PSD4: variants seen among roughly 807,000 people sequenced by gnomAD.
PSD4 encodes pleckstrin and Sec7 domain containing 4.
In PSD4, 59 loss-of-function variants were observed where a neutral mutation model predicts 112.5. That is an observed-to-expected ratio of 0.52 (90% CI 0.43 to 0.65). The LOEUF is 0.65. PSD4 is among the 30% of genes least tolerant of loss of function. PSD4 has a pLI of 0.00. For missense variants in PSD4, 1,267 were observed against 1,352.6 expected (o/e 0.94, Z 0.99); for synonymous variants, 533 against 540.0 (o/e 0.99, Z 0.18).
rs1688901357 is a variant in PSD4 at position 113,208,828 on chromosome 2, G to C, written c.*7413G>C. On this transcript the variant is annotated 3_prime_UTR_variant, in exon 17 of 17. Transcript: ENST00000245796. ...CTCTGAGCCTCTAGTCATGGTCATGGGCTAATCTGTATATGAAAACCCACT... is the reference window on the plus strand; with the variant it reads ...CTCTGAGCCTCTAGTCATGGTCATGCGCTAATCTGTATATGAAAACCCACT... 1 of 152,166 alleles carries C rather than the reference G, an allele frequency of 6.6e-6. No individual in the cohort carries two copies. 9.4% of individuals were successfully genotyped at this position (152,166 alleles called of 1,614,324 possible). A position where few individuals can be genotyped will look rare whatever the true frequency, so the allele number is the denominator to read the frequency against.
chr2:113,192,737 A>G lies in PSD4; in HGVS notation c.1838+148A>G, dbSNP rs1419360014. On this transcript the variant is annotated intron_variant, in intron 6 of 16. Transcript: ENST00000245796. ...CTCCTAACTTTTCCCCCATACCCTC[A>G]CTGTATCTGCTGCTTACTCTCAGTC... The G allele has an allele frequency of 8.5e-6, 7 of 828,066 alleles. No individual in the cohort carries two copies. In the East Asian group the frequency reaches 1.9e-4, roughly 22 times the overall value. 51.3% of individuals were successfully genotyped at this position (828,066 alleles called of 1,614,324 possible).
At position 113,207,491 on chromosome 2, in the gene PSD4, C is replaced by A. The variant is rs1011159513; in HGVS notation, c.*6076C>A. ...TTTTTTTTTGAGATGGAGTCTTGCTCGGTCGCCCAGGCTGGAGTGCGGTGG... is the reference window on the plus strand; with the variant it reads ...TTTTTTTTTGAGATGGAGTCTTGCTAGGTCGCCCAGGCTGGAGTGCGGTGG... On this transcript the variant is annotated 3_prime_UTR_variant, in exon 17 of 17. Coordinates refer to ENST00000245796, the MANE Select transcript of PSD4 (RefSeq NM_012455.3). 1 of 114,260 alleles carries A rather than the reference C, an allele frequency of 8.8e-6. No homozygotes were observed. The highest frequency in any genetic ancestry group is 1.6e-5 in the Non-Finnish European group (1 of 61,074). 7.1% of individuals were successfully genotyped at this position (114,260 alleles called of 1,614,324 possible).
Position 113,185,956 on chromosome 2 carries a change from T to A in PSD4, c.1329T>A (p.Ser443=). 1.9e-6 allele frequency: 3 copies of A among 1,614,030 alleles called. No individual in the cohort carries two copies. The highest frequency in any genetic ancestry group is 2.5e-6 in the Non-Finnish European group (3 of 1,179,924). ...APCPWRSPAS[S]PEPSSPESES... ...GCCCCTGGAGGAGCCCAGCTTCTTC[T>A]CCAGAGCCTAGCAGCCCAGAATCTG... The change falls in exon 5 of 17, where the codon TCT becomes TCA. Residue 443 remains serine (S), a synonymous_variant. Coordinates refer to ENST00000245796, the MANE Select transcript of PSD4 (RefSeq NM_012455.3).
chr2:113,207,461 T>TTTC lies in PSD4; in HGVS notation c.*6048_*6049insCTT, dbSNP rs1177913446. ...CCTCTCCTCTCTCCTCTTCTTTTTTTTTTTTTTTTTTTTGAGATGGAGTCT... is the reference window on the plus strand; with the variant it reads ...CCTCTCCTCTCTCCTCTTCTTTTTTTTTCTTTTTTTTTTTTTGAGATGGAGTCT... On this transcript the variant is annotated 3_prime_UTR_variant, in exon 17 of 17. Coordinates refer to ENST00000245796, the MANE Select transcript of PSD4 (RefSeq NM_012455.3). 1.4e-5 allele frequency: 2 copies of TTTC among 139,782 alleles called. No homozygotes were observed. Among genetic ancestry groups the TTTC allele is most frequent in the Non-Finnish European group, 3.1e-5 (2 of 64,552 alleles). 8.7% of individuals were successfully genotyped at this position (139,782 alleles called of 1,614,324 possible). A position where few individuals can be genotyped will look rare whatever the true frequency, so the allele number is the denominator to read the frequency against.
At chr2:113,180,350 G>T (rs1211583967) in intron 1 of PSD4, among the ~76,000 whole-genome samples, 3 of 152,230 alleles carry the variant, frequency 2.0e-5, no homozygotes, top group Admixed American at 2.0e-4. Context: ...TGCAGTCCAT[G>T]TGGCTATTGA....
At chr2:113,199,980 C>A (rs757394960) in intron 16 of PSD4, among the ~76,000 whole-genome samples, 40 of 152,130 alleles carry the variant, frequency 2.6e-4, no homozygotes, top group Non-Finnish European at 5.1e-4. Context: ...TGTGAGCCAC[C>A]ACACCTGGAT....
chr2:113,197,507 G>A (rs778408960), intron 12 of PSD4, 57 bp from the exon 13 acceptor site: 1 of 1,595,928 alleles, frequency 6.3e-7, no homozygotes, highest in Non-Finnish European at 8.6e-7. Context: ...GTGTGTCTGA[G>A]TGTGTCTGGA....
Position 113,183,153 on chromosome 2 carries a change from T to G in PSD4, c.697T>G (p.Ser233Ala), listed in dbSNP as rs12472091. The G allele has an allele frequency of 1.9e-6, 3 of 1,613,984 alleles. No homozygotes were observed. Among genetic ancestry groups the G allele is most frequent in the Non-Finnish European group, 2.5e-6 (3 of 1,180,010 alleles). ...QAWLREGTPD[S>A]SPQWGAEEES... ...ATGGCTGAGAGAGGGAACCCCAGAC[T>G]CTTCCCCACAGTGGGGAGCTGAGGA... Residue 233 changes from serine to alanine, a missense_variant, in exon 2 of 17, where the codon TCT becomes GCT. This residue lies in a region of PSD4 where 723 missense variants were observed against 704.0 expected (regional missense o/e 1.03). Coordinates refer to ENST00000245796, the MANE Select transcript of PSD4 (RefSeq NM_012455.3).
rs1688169538 is a variant in PSD4, at chr2:113,182,606, C to T, written c.150C>T (p.Thr50=). 1.2e-6 allele frequency: 2 copies of T among 1,614,032 alleles called. No homozygotes were observed. The highest frequency in any genetic ancestry group is 1.7e-5 in the Admixed American group (1 of 60,002). The change falls in exon 2 of 17, where the codon ACC becomes ACT. Residue 50 remains threonine (T), a synonymous_variant. Coordinates refer to ENST00000245796, the MANE Select transcript of PSD4 (RefSeq NM_012455.3). Reference sequence around the variant, plus strand: ...CACCGGAGCCTTTCGAGGAGCAAACCTGGGCCACTGACCCTCCTGAACCTA... The same window carrying T: ...CACCGGAGCCTTTCGAGGAGCAAACTTGGGCCACTGACCCTCCTGAACCTA... ...EDPPEPFEEQ[T]WATDPPEPTR... is the part of the protein sequence containing the mutation.
chr2:113,199,312 C>A, intron 16 of PSD4, 86 bp downstream of exon 16: 2 of 1,295,012 alleles, frequency 1.5e-6, no homozygotes, highest in Non-Finnish European at 2.0e-6. Context: ...GCCGTCACTG[C>A]CCTGACCGCG....
chr2:113,191,281 C>T lies in PSD4; in HGVS notation c.1629-1099C>T, dbSNP rs45452700. Among the ~76,000 whole-genome samples, 587 of 152,130 alleles carry T rather than the reference C, an allele frequency of 3.9e-3. 5 individuals carry two copies. The highest frequency in any genetic ancestry group is 0.014 in the African/African-American group (561 of 41,504). ...ATATCTGTTTATCAGGGATTGTTTT[C>T]TTTTTTTTCTTTTAGACGGCATCTT... On this transcript the variant is annotated intron_variant, in intron 5 of 16. Coordinates refer to ENST00000245796, the MANE Select transcript of PSD4 (RefSeq NM_012455.3).
chr2:113,181,032 A>C (rs1351071962), intron 1 of PSD4, among the ~76,000 whole-genome samples: 1 of 150,370 alleles, frequency 6.7e-6, no homozygotes, highest in East Asian at 2.0e-4. Context: ...AGCCTGGCTA[A>C]CATGGTGAAA....
chr2:113,197,110 TCA>T (rs1197559843), intron 12 of PSD4: 7 of 226,920 alleles, frequency 3.1e-5, no homozygotes, highest in Non-Finnish European at 5.3e-5. Context: ...CAGGTGGTGC[TCA>T]GAGTGGGGTA....
intron 10 of PSD4, among the ~76,000 whole-genome samples, chr2:113,194,935 C>T (rs1283945142): frequency 6.6e-6 from 1 of 152,140 alleles, no homozygotes; most frequent in Non-Finnish European, 1.5e-5. Flanking sequence ...CTAGGCACCG[C>T]AAGAGCTATA....
At chr2:113,193,693 C>A (rs1402233237) in intron 9 of PSD4, 43 bp downstream of exon 9, 1 of 1,594,218 alleles carries the variant, frequency 6.3e-7, no homozygotes, top group Admixed American at 1.7e-5. Flanking sequence ...GAGGCTGTAA[C>A]AAGGGGTGCG....
intron 5 of PSD4, 26 bp from the exon 6 acceptor site, chr2:113,192,354 C>T (rs763151087): frequency 1.2e-6 from 2 of 1,606,870 alleles, no homozygotes; most frequent in Non-Finnish European, 1.7e-6. Flanking sequence ...ACACTTGACC[C>T]AGAGCTCCTG....
At chr2:113,189,351 G>GTATATATATATATATATA (rs35251391) in intron 5 of PSD4, among the ~76,000 whole-genome samples, 21 of 146,130 alleles carry the variant, frequency 1.4e-4, no homozygotes, top group African/African-American at 5.3e-4. Context: ...ATATATAATA[G>GTATATATATATATATATA]TATATATATA....
At chr2:113,193,010 C>A (rs923786933) in intron 6 of PSD4, 38 bp from the exon 7 acceptor site, 11 of 1,589,972 alleles carry the variant, frequency 6.9e-6, no homozygotes, top group Admixed American at 1.7e-5. Context: ...CCAGCCCAGG[C>A]CCCTGGTGCA....
Position 113,205,786 on chromosome 2 carries a change from C to A in PSD4, c.*4371C>A, listed in dbSNP as rs576899709. The A allele has an allele frequency of 1.3e-5, 2 of 152,264 alleles. No homozygotes were observed. The highest frequency in any genetic ancestry group is 3.9e-4 in the East Asian group (2 of 5,188). The allele number at this position is 152,264 out of a possible 1,614,324, so 9.4% of individuals were successfully genotyped here. A position where few individuals can be genotyped will look rare whatever the true frequency, so the allele number is the denominator to read the frequency against. ...AAGAAAAAAAGGCAATATCCCAGAA[C>A]CTTGTGAAAACCTGGCCGTAGCAGG... On this transcript the variant is annotated 3_prime_UTR_variant, in exon 17 of 17. Coordinates refer to ENST00000245796, the MANE Select transcript of PSD4 (RefSeq NM_012455.3).
Sources: gnomAD v4.1 joint callset for allele counts (sites outside exome capture counted in the v4.1 genomes callset) on GRCh38, gnomAD v4.1.1 for gene constraint, gnomAD v4.1.1 regional missense constraint, MANE v1.5 for transcripts, NCBI Gene and HGNC (gene_info 2026-07-23, HGNC 2026-07-21) for gene names.